CDH4: variants seen among roughly 807,000 people sequenced by gnomAD.
CDH4 encodes cadherin 4.
Under a neutral mutation model 86.0 loss-of-function variants are expected in CDH4, and 33 were observed. The observed-to-expected ratio is 0.38, with a 90% confidence interval of 0.29 to 0.51. CDH4 has a LOEUF of 0.51. CDH4 is among the 20% of genes least tolerant of loss of function. CDH4 has a pLI of 0.86. For missense variants in CDH4, 1,114 were observed against 1,307.4 expected (o/e 0.85, Z 2.28); for synonymous variants, 555 against 549.4 (o/e 1.01, Z -0.14).
intron 2 of CDH4, among the ~76,000 whole-genome samples, chr20:61,396,892 A>G (rs2085020749): frequency 6.6e-6 from 1 of 152,094 alleles, no homozygotes; most frequent in Admixed American, 6.5e-5. Flanking sequence ...TCTTTCAACT[A>G]TGTAAACAGT....
intron 15 of CDH4, 97 bp downstream of exon 15, chr20:61,934,317 G>C: frequency 3.8e-6 from 5 of 1,328,750 alleles, no homozygotes; most frequent in Non-Finnish European, 5.0e-6. Context: ...CAGTGCCGGC[G>C]GCTGCCGTGG....
At chr20:61,344,836 T>C (rs745638448) in intron 2 of CDH4, among the ~76,000 whole-genome samples, 1 of 152,184 alleles carries the variant, frequency 6.6e-6, no homozygotes, top group Non-Finnish European at 1.5e-5. Flanking sequence ...AAATTGATCA[T>C]ATGAAGCCAC....
chr20:61,793,939 G>C (rs113403806), intron 4 of CDH4, among the ~76,000 whole-genome samples: 2,149 of 148,734 alleles, frequency 0.014, 18 homozygotes, highest in African/African-American at 0.017. Context: ...GAGATAGAGA[G>C]CATCCTGACT....
chr20:61,483,174 C>T (rs1160845705), intron 2 of CDH4, among the ~76,000 whole-genome samples: 2 of 152,098 alleles, frequency 1.3e-5, no homozygotes, highest in African/African-American at 2.4e-5. Flanking sequence ...TGAAGTAAGA[C>T]AAGATGAGTG....
intron 2 of CDH4, among the ~76,000 whole-genome samples, chr20:61,311,441 T>C (rs1029835059): frequency 6.6e-6 from 1 of 152,192 alleles, no homozygotes; most frequent in Non-Finnish European, 1.5e-5. Context: ...AAAGATGTAA[T>C]ATAGACTGGT....
At chr20:61,389,789 C>T (rs1277105309) in intron 2 of CDH4, among the ~76,000 whole-genome samples, 4 of 152,200 alleles carry the variant, frequency 2.6e-5, no homozygotes, top group Non-Finnish European at 5.9e-5. Context: ...GGATCCTCCC[C>T]AAAGTGCCCA....
chr20:61,715,599 A>C (rs1485289765), intron 2 of CDH4, among the ~76,000 whole-genome samples: 1 of 152,210 alleles, frequency 6.6e-6, no homozygotes, highest in African/African-American at 2.4e-5. Context: ...AGAAGGATTA[A>C]GTTTCCAACT....
intron 2 of CDH4, among the ~76,000 whole-genome samples, chr20:61,692,989 T>C (rs892412127): frequency 2.0e-5 from 3 of 152,174 alleles, no homozygotes; most frequent in Non-Finnish European, 4.4e-5. Flanking sequence ...CCAATTAAAA[T>C]GATCCATGAG....
chr20:61,755,915 G>T (rs1379204690), intron 3 of CDH4, among the ~76,000 whole-genome samples: 1 of 152,190 alleles, frequency 6.6e-6, no homozygotes, highest in Non-Finnish European at 1.5e-5. Context: ...TTCTGTGTAT[G>T]GTCAGCAGCA....
At chr20:61,877,730 G>C (rs965961402) in intron 7 of CDH4, among the ~76,000 whole-genome samples, 2 of 152,138 alleles carry the variant, frequency 1.3e-5, no homozygotes, top group African/African-American at 4.8e-5. Context: ...TTTCTGTCTT[G>C]TGCGTGTGAA....
At chr20:61,686,538 T>G (rs1377243319) in intron 2 of CDH4, among the ~76,000 whole-genome samples, 1 of 151,476 alleles carries the variant, frequency 6.6e-6, no homozygotes, top group Non-Finnish European at 1.5e-5. Flanking sequence ...CATTTGTGTA[T>G]GTGTGCATTC....
intron 2 of CDH4, among the ~76,000 whole-genome samples, chr20:61,338,286 GA>G (rs1413356416): frequency 3.6e-5 from 5 of 137,920 alleles, no homozygotes; most frequent in Non-Finnish European, 6.7e-5. Context: ...GGAAAAAATT[GA>G]AGAGAAAAAA....
rs116078382 is a variant in CDH4, at chr20:61,661,088, G to T, written c.170-82475G>T. Among the ~76,000 whole-genome samples the T allele has an allele frequency of 1.0e-4, 15 of 144,662 alleles. 1 individual carries two copies. Among genetic ancestry groups the T allele is most frequent in the African/African-American group, 3.2e-4 (12 of 37,804 alleles). 94.9% of individuals were successfully genotyped at this position (144,662 alleles called of 152,430 possible). A position where few individuals can be genotyped will look rare whatever the true frequency, so the allele number is the denominator to read the frequency against. Reference sequence around the variant, plus strand: ...CGGCATGGACAGGAGGCATGGCGGGGGGGGGGGAGACACAGTGCCAGGCTC... The same window carrying T: ...CGGCATGGACAGGAGGCATGGCGGGTGGGGGGGAGACACAGTGCCAGGCTC... On this transcript the variant is annotated intron_variant, in intron 2 of 15. Transcript: ENST00000614565.
At chr20:61,740,032 T>G (rs891344930) in intron 2 of CDH4, among the ~76,000 whole-genome samples, 17 of 152,034 alleles carry the variant, frequency 1.1e-4, no homozygotes, top group Non-Finnish European at 2.2e-4. Flanking sequence ...TGGAATGCAT[T>G]TAACCTTGCA....
chr20:61,321,681 T>A (rs1438145025), intron 2 of CDH4, among the ~76,000 whole-genome samples: 1 of 152,160 alleles, frequency 6.6e-6, no homozygotes, highest in African/African-American at 2.4e-5. Flanking sequence ...CAGAGCCGCC[T>A]CCCTGGAGTA....
chr20:61,888,019 G>C (rs1186374343), intron 7 of CDH4, among the ~76,000 whole-genome samples: 1 of 152,230 alleles, frequency 6.6e-6, no homozygotes, highest in Admixed American at 6.5e-5. Flanking sequence ...TCCTGGGAGG[G>C]GGAAGAAAAT....
intron 3 of CDH4, among the ~76,000 whole-genome samples, chr20:61,770,111 T>C (rs566014814): frequency 6.6e-6 from 1 of 152,296 alleles, no homozygotes; most frequent in Non-Finnish European, 1.5e-5. Flanking sequence ...AGGACTGTCC[T>C]GGAAGCTCTT....
chr20:61,831,840 A>C (rs556951132), intron 4 of CDH4, among the ~76,000 whole-genome samples: 14 of 152,368 alleles, frequency 9.2e-5, no homozygotes, highest in South Asian at 4.1e-4. Context: ...CAGCCTCTCC[A>C]GCATTTGCCT....
intron 4 of CDH4, among the ~76,000 whole-genome samples, chr20:61,825,146 G>A (rs1601026919): frequency 6.6e-6 from 1 of 152,052 alleles, no homozygotes; most frequent in African/African-American, 2.4e-5. Flanking sequence ...GCTGGCTCAT[G>A]TCTGTAATCC....
Sources: gnomAD v4.1 joint callset for allele counts (sites outside exome capture counted in the v4.1 genomes callset) on GRCh38, gnomAD v4.1.1 for gene constraint, MANE v1.5 for transcripts, NCBI Gene and HGNC (gene_info 2026-07-23, HGNC 2026-07-21) for gene names.